The following IQCM variants were observed in gnomAD, a reference collection of about 807,000 sequenced individuals.
The protein encoded by IQCM is IQ motif containing M.
Under a neutral mutation model 57.6 loss-of-function variants are expected in IQCM, and 45 were observed. The ratio of observed to expected loss-of-function variants is 0.78; its 90% CI spans 0.62 to 1.00. The LOEUF is 1.00. IQCM is among the 50% of genes least tolerant of loss of function. The probability of loss-of-function intolerance (pLI) is 0.00; values close to 1 mark genes in which losing one functional copy is unlikely to be tolerated. For synonymous variants in IQCM, 148 were observed against 158.9 expected (o/e 0.93, Z 0.51); for missense variants, 468 against 511.6 (o/e 0.91, Z 0.82).
intron 13 of IQCM, among the ~76,000 whole-genome samples, chr4:149,378,567 C>T (rs1001065503): frequency 1.3e-5 from 2 of 152,026 alleles, no homozygotes; most frequent in African/African-American, 4.8e-5. Flanking sequence ...ATTTGTCTGA[C>T]TTTGAACTTG....
At chr4:149,666,038 G>A (rs1760692068) in intron 7 of IQCM, 1 of 152,204 alleles carries the variant, frequency 6.6e-6, no homozygotes. Context: ...GAGGTTTTGG[G>A]ACTCAGACTG....
chr4:149,429,657 A>C, intron 13 of IQCM, among the ~76,000 whole-genome samples: 1 of 151,892 alleles, frequency 6.6e-6, no homozygotes, highest in East Asian at 1.9e-4. Flanking sequence ...GAGTACCTAC[A>C]TTGTAGAGTA....
chr4:149,412,943 G>C (rs1272989176), intron 13 of IQCM, among the ~76,000 whole-genome samples: 2 of 152,118 alleles, frequency 1.3e-5, no homozygotes, highest in African/African-American at 4.8e-5. Flanking sequence ...GGAGTGGAGA[G>C]AAAGCTGCCA....
intron 12 of IQCM, among the ~76,000 whole-genome samples, chr4:149,504,322 G>A (rs1240093924): frequency 1.3e-5 from 2 of 152,080 alleles, no homozygotes; most frequent in Admixed American, 6.6e-5. Context: ...ATGTGCAACC[G>A]AATTTAAGAA....
At chr4:149,377,260 A>G (rs558870290) in intron 13 of IQCM, among the ~76,000 whole-genome samples, 4 of 152,322 alleles carry the variant, frequency 2.6e-5, no homozygotes, top group South Asian at 4.1e-4. Flanking sequence ...GAAATACAAC[A>G]TATTGAAATC....
intron 5 of IQCM, among the ~76,000 whole-genome samples, chr4:149,731,726 A>T (rs889465386): frequency 6.6e-6 from 1 of 152,212 alleles, no homozygotes; most frequent in African/African-American, 2.4e-5. Flanking sequence ...GTGGAAAAAA[A>T]ATGGGGGTTC....
intron 13 of IQCM, among the ~76,000 whole-genome samples, chr4:149,387,678 C>A: frequency 6.6e-6 from 1 of 151,794 alleles, no homozygotes; most frequent in East Asian, 1.9e-4. Flanking sequence ...ATTTCTTTTT[C>A]TTTATAGCTT....
chr4:149,406,019 T>C (rs1470871675), intron 13 of IQCM, among the ~76,000 whole-genome samples: 1 of 151,684 alleles, frequency 6.6e-6, no homozygotes. Flanking sequence ...AGATATGCTG[T>C]TCTTATTTTT....
intron 2 of IQCM, chr4:149,748,816 T>C (rs1391258511): frequency 3.9e-5 from 6 of 152,184 alleles, no homozygotes; most frequent in African/African-American, 1.4e-4. Context: ...AGAGATCAAC[T>C]ACTAGAATAA....
chr4:149,690,782 G>A (rs1348473671), intron 5 of IQCM: 1 of 152,052 alleles, frequency 6.6e-6, no homozygotes, highest in Non-Finnish European at 1.5e-5. Context: ...ATTATCTCAT[G>A]TAAGCTTCAA....
At position 149,782,789 on chromosome 4, in the gene IQCM, T is replaced by G. The variant is rs541978720; in HGVS notation, c.-49+32522A>C. ...TAGACTTAGCTAGAAGTCTAATTAG[T>G]GATACAGAAGGAAGACAGATTTTAT... On this transcript the variant is annotated intron_variant, in intron 2 of 13. Coordinates refer to ENST00000636793, the MANE Select transcript of IQCM (RefSeq NM_001363507.2). 1.2e-3 allele frequency among the ~76,000 whole-genome samples: 177 copies of G among 152,284 alleles called. 3 individuals are homozygous for G. In the South Asian group the frequency reaches 0.034, roughly 30 times the overall value.
chr4:149,484,119 T>G (rs1342690747), intron 12 of IQCM, among the ~76,000 whole-genome samples: 2 of 152,016 alleles, frequency 1.3e-5, no homozygotes, highest in African/African-American at 2.4e-5. Flanking sequence ...TGCTCTTTTT[T>G]TGTTTGTTTG....
At chr4:149,505,888 C>T (rs1326113521) in intron 12 of IQCM, among the ~76,000 whole-genome samples, 3 of 152,208 alleles carry the variant, frequency 2.0e-5, no homozygotes, top group East Asian at 3.8e-4. Context: ...TACTCTGACA[C>T]TGGCCTGAAG....
intron 12 of IQCM, among the ~76,000 whole-genome samples, chr4:149,520,831 T>C (rs1745564041): frequency 1.3e-5 from 2 of 152,098 alleles, no homozygotes. Context: ...AAATGCTTTC[T>C]AGCTCTTCCA....
At chr4:149,594,156 G>A (rs1035343695) in intron 8 of IQCM, among the ~76,000 whole-genome samples, 9 of 151,982 alleles carry the variant, frequency 5.9e-5, no homozygotes, top group East Asian at 1.9e-4. Flanking sequence ...GTCTATTCAG[G>A]GATTCAACTT....
At chr4:149,763,898 A>C (rs942839594) in intron 2 of IQCM, among the ~76,000 whole-genome samples, 1 of 152,070 alleles carries the variant, frequency 6.6e-6, no homozygotes, top group Non-Finnish European at 1.5e-5. Flanking sequence ...AAGATGTTGG[A>C]ACAGAAAACA....
chr4:149,638,823 G>C (rs1757940964), intron 7 of IQCM, among the ~76,000 whole-genome samples: 1 of 152,152 alleles, frequency 6.6e-6, no homozygotes, highest in African/African-American at 2.4e-5. Flanking sequence ...GGAGAGCAGG[G>C]CCCTGAAATA....
intron 2 of IQCM, among the ~76,000 whole-genome samples, chr4:149,775,256 G>T (rs1166354648): frequency 6.6e-6 from 1 of 151,832 alleles, no homozygotes; most frequent in Non-Finnish European, 1.5e-5. Context: ...ATTGAATGTT[G>T]TTTCTCCAAA....
intron 13 of IQCM, among the ~76,000 whole-genome samples, chr4:149,363,547 TTTTGAAATACTAAACA>T (rs1467207500): frequency 6.6e-6 from 1 of 152,168 alleles, no homozygotes; most frequent in Non-Finnish European, 1.5e-5. Context: ...TCAGAGATTG[TTTTGAAATACTAAACA>T]TTTGCTTTCC....
Sources: gnomAD v4.1 joint callset for allele counts (sites outside exome capture counted in the v4.1 genomes callset) on GRCh38, gnomAD v4.1.1 for gene constraint, MANE v1.5 for transcripts, NCBI Gene and HGNC (gene_info 2026-07-23, HGNC 2026-07-21) for gene names.